Variants in TP53BP1 observed in about 807,000 individuals in gnomAD.
TP53BP1 encodes TP53-binding protein 1.
Under a neutral mutation model 200.8 loss-of-function variants are expected in TP53BP1, and 61 were observed. The ratio of observed to expected loss-of-function variants is 0.30; its 90% CI spans 0.25 to 0.38. The LOEUF is 0.38. Among genes scored for constraint, TP53BP1 ranks in the 10% least tolerant of loss-of-function variants. TP53BP1 has a pLI of 1.00. For synonymous variants in TP53BP1, 822 were observed against 844.3 expected (o/e 0.97, Z 0.46); for missense variants, 2,144 against 2,371.9 (o/e 0.90, Z 2.00).
chr15:43,455,452 G>A (rs2046270363), intron 12 of TP53BP1, among the ~76,000 whole-genome samples: 1 of 152,174 alleles, frequency 6.6e-6, no homozygotes, highest in Non-Finnish European at 1.5e-5. Context: ...TGGGCGTGGT[G>A]ACTCATCCCT....
chr15:43,510,075 C>T (rs948382381), intron 1 of TP53BP1, among the ~76,000 whole-genome samples: 2 of 150,260 alleles, frequency 1.3e-5, no homozygotes, highest in Non-Finnish European at 2.9e-5. Flanking sequence ...AGTGCAAGGC[C>T]TCCTCAGTCC....
At position 43,409,761 on chromosome 15, in the gene TP53BP1, C is replaced by T. The variant is rs767900840; in HGVS notation, c.5306-20G>A. 2 of 1,252,504 alleles carry T rather than the reference C, an allele frequency of 1.6e-6. No homozygotes were observed. The highest frequency in any genetic ancestry group is 2.2e-6 in the Non-Finnish European group (2 of 899,078). The allele number at this position is 1,252,504 out of a possible 1,614,324, so 77.6% of individuals were successfully genotyped here. On this transcript the variant is annotated intron_variant, in intron 24 of 27. Coordinates refer to ENST00000382044, the MANE Select transcript of TP53BP1 (RefSeq NM_001141980.3). ...AAAATTCTATATTAAAAAAAAAAAC[C>T]AAGATAATAATTACTGAGTGGTTTT... is the stretch of plus-strand genomic sequence containing the variant.
Position 43,474,843 on chromosome 15 carries a change from T to C in TP53BP1, c.1086-76A>G. ...CATTTCTGTATTTGCTTTTACTTTT[T>C]AACAGGAAAAAATATCTAAGGCATT... On this transcript the variant is annotated intron_variant, in intron 9 of 27. Transcript: ENST00000382044. The C allele has an allele frequency of 2.9e-6, 3 of 1,045,792 alleles. No homozygotes were observed. The South Asian group carries it at 4.2e-5, about 15-fold the overall frequency. 64.8% of individuals were successfully genotyped at this position (1,045,792 alleles called of 1,614,324 possible).
chr15:43,501,131 T>C (rs879614667), intron 1 of TP53BP1, among the ~76,000 whole-genome samples: 4 of 152,230 alleles, frequency 2.6e-5, no homozygotes, highest in African/African-American at 2.4e-5. Context: ...TTTTGTTTTT[T>C]ATTTTTAGTG....
At chr15:43,468,372 C>A (rs1337080204) in intron 11 of TP53BP1, among the ~76,000 whole-genome samples, 1 of 151,948 alleles carries the variant, frequency 6.6e-6, no homozygotes, top group Non-Finnish European at 1.5e-5. Context: ...TAGTGATACC[C>A]CGTCTCTATA....
intron 11 of TP53BP1, among the ~76,000 whole-genome samples, chr15:43,458,189 T>TGGGG (rs2046345832): frequency 6.6e-6 from 1 of 152,042 alleles, no homozygotes. Context: ...CCCAGCACTT[T>TGGGG]AGTAGGCCAA....
At position 43,491,665 on chromosome 15, in the gene TP53BP1, A is replaced by G. The variant is rs1339250749; in HGVS notation, c.371+4T>C. 1.2e-6 allele frequency: 2 copies of G among 1,608,590 alleles called. No individual in the cohort carries two copies. The highest frequency in any genetic ancestry group is 2.7e-5 in the African/African-American group (2 of 74,810). On this transcript the variant is annotated splice_donor_region_variant and intron_variant, in intron 4 of 27. Transcript: ENST00000382044. ...TTAAATAAACCCCTTCAAACACTGT[A>G]TACCTGCTTGTCCTGTTTGGCTGAG...
chr15:43,509,188 CG>C (rs11433386), intron 1 of TP53BP1, among the ~76,000 whole-genome samples: 234 of 1,540 alleles, frequency 0.15, 6 homozygotes, highest in African/African-American at 0.3. Context: ...GATCCACAAA[CG>C]GGGGGGGGGG....
At chr15:43,419,087 G>A (rs776619596) in intron 21 of TP53BP1, among the ~76,000 whole-genome samples, 4 of 152,124 alleles carry the variant, frequency 2.6e-5, no homozygotes, top group Non-Finnish European at 5.9e-5. Context: ...GGGTCTGGTG[G>A]GGCACACCTG....
In TP53BP1 at chr15:43,467,647, C is replaced by A. The variant is rs145356970; in HGVS notation, c.1389+2211G>T. 8.4e-4 allele frequency among the ~76,000 whole-genome samples: 128 copies of A among 152,268 alleles called. 1 individual carries two copies. In the East Asian group the frequency reaches 0.014, roughly 16 times the overall value. On this transcript the variant is annotated intron_variant, in intron 11 of 27. Coordinates refer to ENST00000382044, the MANE Select transcript of TP53BP1 (RefSeq NM_001141980.3). ...GTGGCCAGGCATCATCTCCACCCCCCCAACCAGCAGGAATACCTTTCCAAA... is the reference window on the plus strand; with the variant it reads ...GTGGCCAGGCATCATCTCCACCCCCACAACCAGCAGGAATACCTTTCCAAA...
At chr15:43,427,339 A>G (rs1280199058) in intron 18 of TP53BP1, among the ~76,000 whole-genome samples, 1 of 152,250 alleles carries the variant, frequency 6.6e-6, no homozygotes, top group African/African-American at 2.4e-5. Flanking sequence ...AGACATGAAA[A>G]TATGTGAGAA....
chr15:43,471,198 A>G (rs534873699), intron 10 of TP53BP1, among the ~76,000 whole-genome samples: 59 of 145,350 alleles, frequency 4.1e-4, no homozygotes, highest in Non-Finnish European at 8.1e-4. Context: ...AATCTAAAAT[A>G]TAACTGACAA....
intron 4 of TP53BP1, among the ~76,000 whole-genome samples, chr15:43,481,838 C>G (rs8039671): frequency 0.25 from 37,478 of 149,046 alleles, 7,872 homozygotes; most frequent in African/African-American, 0.58. Flanking sequence ...AAGAGAGAGA[C>G]AGAGTCTGTC....
At chr15:43,454,712 A>G (rs2046254231) in intron 12 of TP53BP1, among the ~76,000 whole-genome samples, 1 of 151,818 alleles carries the variant, frequency 6.6e-6, no homozygotes, top group South Asian at 2.1e-4. Context: ...ATTTTCAGCT[A>G]ATGTCATACT....
intron 17 of TP53BP1, among the ~76,000 whole-genome samples, chr15:43,429,488 A>G (rs1198838824): frequency 6.6e-6 from 1 of 152,188 alleles, no homozygotes. Context: ...TTCAGTATCA[A>G]AGTAGCCAAG....
At chr15:43,443,800 C>T (rs938800059) in intron 14 of TP53BP1, among the ~76,000 whole-genome samples, 4 of 152,216 alleles carry the variant, frequency 2.6e-5, no homozygotes, top group African/African-American at 9.6e-5. Context: ...AACAATGTCA[C>T]TAATTTCAAG....
intron 17 of TP53BP1, among the ~76,000 whole-genome samples, chr15:43,429,200 A>G (rs185449018): frequency 2.7e-4 from 41 of 152,330 alleles, no homozygotes; most frequent in Admixed American, 7.8e-4. Flanking sequence ...TTCTTAGCAA[A>G]TTAGGTCTTA....
chr15:43,461,099 C>A (rs973835285), intron 11 of TP53BP1, among the ~76,000 whole-genome samples: 3 of 152,044 alleles, frequency 2.0e-5, no homozygotes, highest in Middle Eastern at 3.2e-3. Flanking sequence ...CCAATAATTC[C>A]ATTTCTGGGA....
In TP53BP1 at chr15:43,404,007, T is replaced by C; in HGVS notation, c.*3376A>G. 1 of 576,022 alleles carries C rather than the reference T, an allele frequency of 1.7e-6. No individual in the cohort carries two copies. Among genetic ancestry groups the C allele is most frequent in the Non-Finnish European group, 3.1e-6 (1 of 323,414 alleles). The allele number at this position is 576,022 out of a possible 1,614,324, so 35.7% of individuals were successfully genotyped here. ...CTCACAGTGCTCAAAAATAGTTCAG[T>C]CCTGAATAGTTTATTCAGCCCATCA... On this transcript the variant is annotated 3_prime_UTR_variant, in exon 28 of 28. Transcript: ENST00000382044.
Sources: gnomAD v4.1 joint callset for allele counts (sites outside exome capture counted in the v4.1 genomes callset) on GRCh38, gnomAD v4.1.1 for gene constraint, MANE v1.5 for transcripts, NCBI Gene and HGNC (gene_info 2026-07-23, HGNC 2026-07-21) for gene names.